The following GNB1 variants were observed in gnomAD, a reference collection of about 807,000 sequenced individuals.
GNB1 encodes the protein guanine nucleotide-binding protein G(I)/G(S)/G(T) subunit beta-1.
GNB1 carries 2 observed loss-of-function variants against 42.9 expected under a neutral mutation model. The observed-to-expected ratio is 0.05, with a 90% CI of 0.02 to 0.15. GNB1 has a LOEUF of 0.15. GNB1 is among the 10% of genes least tolerant of loss of function. GNB1 has a pLI of 1.00. For synonymous variants in GNB1, 183 were observed against 174.7 expected (o/e 1.05, Z -0.38); for missense variants, 193 against 462.2 (o/e 0.42, Z 5.34).
At chr1:1,845,137 T>C (rs1035903125) in intron 1 of GNB1, among the ~76,000 whole-genome samples, 24 of 151,990 alleles carry the variant, frequency 1.6e-4, no homozygotes, top group African/African-American at 4.1e-4. Flanking sequence ...AAGATAACAA[T>C]ACCTGTAAAA....
intron 2 of GNB1, among the ~76,000 whole-genome samples, chr1:1,837,736 T>G (rs1184837062): frequency 1.3e-5 from 2 of 151,054 alleles, no homozygotes; most frequent in East Asian, 4.0e-4. Context: ...ATCTTTTCCT[T>G]TGTATTTTCG....
chr1:1,882,031 G>A (rs1649875720), intron 1 of GNB1, among the ~76,000 whole-genome samples: 1 of 152,074 alleles, frequency 6.6e-6, no homozygotes, highest in Admixed American at 6.6e-5. Flanking sequence ...TGGTGTCCCT[G>A]GGAGCCACAG....
At chr1:1,808,105 A>G (rs970079784) in intron 5 of GNB1, among the ~76,000 whole-genome samples, 5 of 151,834 alleles carry the variant, frequency 3.3e-5, no homozygotes, top group African/African-American at 4.8e-5. Flanking sequence ...CCCAGATTTG[A>G]GCAATTTTCC....
chr1:1,789,823 T>C (rs1262849014), intron 9 of GNB1, among the ~76,000 whole-genome samples: 2 of 150,568 alleles, frequency 1.3e-5, no homozygotes, highest in Non-Finnish European at 3.0e-5. Flanking sequence ...CCCCAAAGAG[T>C]AGAATTTATT....
intron 1 of GNB1, among the ~76,000 whole-genome samples, chr1:1,878,223 T>C (rs1649653930): frequency 6.6e-6 from 1 of 152,152 alleles, no homozygotes; most frequent in African/African-American, 2.4e-5. Context: ...TGCGAGCTAA[T>C]GGCACAGGCA....
At chr1:1,860,812 T>C (rs950204653) in intron 1 of GNB1, among the ~76,000 whole-genome samples, 2 of 151,992 alleles carry the variant, frequency 1.3e-5, no homozygotes, top group African/African-American at 2.4e-5. Flanking sequence ...CCCCTCCACT[T>C]TGCAGTAAGC....
rs1434241690 is a variant in GNB1, at chr1:1,786,181, A to C, written c.*882T>G. The C allele has an allele frequency of 2.5e-6, 1 of 398,060 alleles. No individual in the cohort carries two copies. The highest frequency in any genetic ancestry group is 4.4e-6 in the Non-Finnish European group (1 of 225,742). 24.7% of individuals were successfully genotyped at this position (398,060 alleles called of 1,614,324 possible). A position where few individuals can be genotyped will look rare whatever the true frequency, so the allele number is the denominator to read the frequency against. ...GCACAGGACAGGCATCTCTCTTGAAAACAGAGGTTCCTCCTAGTTGGGGGT... is the reference window on the plus strand; with the variant it reads ...GCACAGGACAGGCATCTCTCTTGAACACAGAGGTTCCTCCTAGTTGGGGGT... On this transcript the variant is annotated 3_prime_UTR_variant, in exon 12 of 12. Transcript: ENST00000378609.
chr1:1,821,182 A>G (rs895795503), intron 3 of GNB1, among the ~76,000 whole-genome samples: 7 of 152,216 alleles, frequency 4.6e-5, no homozygotes, highest in African/African-American at 1.7e-4. Context: ...GTCGCTGGAC[A>G]TTTTGGACCG....
intron 1 of GNB1, among the ~76,000 whole-genome samples, chr1:1,878,240 A>G (rs1346118797): frequency 6.6e-6 from 1 of 152,234 alleles, no homozygotes; most frequent in East Asian, 1.9e-4. Flanking sequence ...GGCATCTTCA[A>G]CAGGGCAAAA....
intron 2 of GNB1, among the ~76,000 whole-genome samples, chr1:1,831,284 C>T (rs1354519621): frequency 6.6e-6 from 1 of 152,064 alleles, no homozygotes; most frequent in African/African-American, 2.4e-5. Context: ...CTGCAGTGAG[C>T]TATGATAGCA....
chr1:1,837,227 A>C (rs181994749), intron 2 of GNB1, among the ~76,000 whole-genome samples: 1 of 151,358 alleles, frequency 6.6e-6, no homozygotes, highest in Non-Finnish European at 1.5e-5. Flanking sequence ...TTTACGTTTT[A>C]TATTTAGGTA....
intron 1 of GNB1, among the ~76,000 whole-genome samples, chr1:1,842,622 C>A (rs779928696): frequency 6.6e-6 from 1 of 152,118 alleles, no homozygotes; most frequent in South Asian, 2.1e-4. Flanking sequence ...CATGTGTCTG[C>A]GTGTGCATGC....
intron 1 of GNB1, among the ~76,000 whole-genome samples, chr1:1,845,821 CCATACACACACACACA>C (rs1482759710): frequency 1.0e-5 from 1 of 96,230 alleles, no homozygotes; most frequent in African/African-American, 4.6e-5. Context: ...GTGTGTAAGT[CCATACACACACACACA>C]CACACACACA....
Position 1,793,320 on chromosome 1 carries a change from G to A in GNB1, c.431-9C>T, listed in dbSNP as rs774487395. On this transcript the variant is annotated splice_polypyrimidine_tract_variant and intron_variant, in intron 7 of 11. Coordinates refer to ENST00000378609, the MANE Select transcript of GNB1 (RefSeq NM_002074.5). ...GCAGCAGGACAGGTAACCTGGCAAA[G>A]AACAGGCCTAAGTGATGAGCTGAAT... 1.4e-5 allele frequency: 23 copies of A among 1,608,146 alleles called. No individual in the cohort carries two copies. The highest frequency in any genetic ancestry group is 4.5e-5 in the East Asian group (2 of 44,860).
intron 5 of GNB1, among the ~76,000 whole-genome samples, chr1:1,807,743 C>T (rs1483892500): frequency 6.6e-6 from 1 of 151,416 alleles, no homozygotes; most frequent in Non-Finnish European, 1.5e-5. Context: ...AGTCTCGCTC[C>T]GTGGCCCAGG....
intron 7 of GNB1, among the ~76,000 whole-genome samples, chr1:1,801,280 G>A (rs924584842): frequency 1.3e-5 from 2 of 152,154 alleles, no homozygotes; most frequent in Non-Finnish European, 2.9e-5. Flanking sequence ...TGCTTGCCTC[G>A]GCCTCCCAAA....
chr1:1,836,284 T>C (rs946776469), intron 2 of GNB1, among the ~76,000 whole-genome samples: 30 of 152,188 alleles, frequency 2.0e-4, no homozygotes, highest in Admixed American at 9.8e-4. Flanking sequence ...CGCTGACTGC[T>C]GAGCTTCTGA....
At chr1:1,798,976 G>A (rs1646585928) in intron 7 of GNB1, among the ~76,000 whole-genome samples, 1 of 151,610 alleles carries the variant, frequency 6.6e-6, no homozygotes, top group South Asian at 2.1e-4. Flanking sequence ...TTGGAGTGCG[G>A]TGGCGCGATC....
chr1:1,866,950 T>C (rs1369750387), intron 1 of GNB1, among the ~76,000 whole-genome samples: 1 of 138,740 alleles, frequency 7.2e-6, no homozygotes, highest in African/African-American at 2.7e-5. Flanking sequence ...GGAGACTCCA[T>C]CTCAAAACAA....
Sources: gnomAD v4.1 joint callset for allele counts (sites outside exome capture counted in the v4.1 genomes callset) on GRCh38, gnomAD v4.1.1 for gene constraint, MANE v1.5 for transcripts, NCBI Gene and HGNC (gene_info 2026-07-23, HGNC 2026-07-21) for gene names.